Variants in NXPE2 observed in about 807,000 individuals in gnomAD.
NXPE2 encodes NXPE family member 2.
In NXPE2, 34 loss-of-function variants were observed where a neutral mutation model predicts 34.4. That is an observed-to-expected ratio of 0.99 (90% CI 0.75 to 1.31). The LOEUF (loss-of-function observed/expected upper bound fraction) is 1.31. NXPE2 is among the 40% of genes most tolerant of loss of function. NXPE2 has a pLI of 0.00. For missense variants in NXPE2, 649 were observed against 672.5 expected (o/e 0.97, Z 0.39); for synonymous variants, 235 against 231.3 (o/e 1.02, Z -0.15).
chr11:114,591,737 GC>G, the NXPE2 span, among the ~76,000 whole-genome samples: 2 of 151,904 alleles, frequency 1.3e-5, no homozygotes, highest in Non-Finnish European at 2.9e-5. Context: ...TAAATTCCAT[GC>G]CCCCTCATGG....
At chr11:114,483,921 A>T in the NXPE2 span, among the ~76,000 whole-genome samples, 1 of 152,128 alleles carries the variant, frequency 6.6e-6, no homozygotes, top group African/African-American at 2.4e-5. Context: ...CCCCTGGCTG[A>T]TGTGCAACTC....
upstream of NXPE2, chr11:114,678,283 G>A (rs377326010): frequency 1.8e-4 from 49 of 265,044 alleles, no homozygotes; most frequent in African/African-American, 1.8e-4. Context: ...CTATAAACAC[G>A]TAAAGCCTTA....
intron 3 of NXPE2, among the ~76,000 whole-genome samples, chr11:114,702,713 C>T (rs537985352): frequency 8.5e-5 from 13 of 152,224 alleles, no homozygotes; most frequent in Admixed American, 6.5e-4. Context: ...ACGGGATTCC[C>T]AGTCGATCTT....
the NXPE2 span, among the ~76,000 whole-genome samples, chr11:114,661,606 A>G: frequency 6.6e-5 from 10 of 152,232 alleles, no homozygotes; most frequent in African/African-American, 2.4e-5. Context: ...TCTGGATAGA[A>G]CAAGGACAAA....
the NXPE2 span, chr11:114,584,287 A>G: frequency 3.9e-6 from 2 of 510,768 alleles, no homozygotes; most frequent in South Asian, 1.5e-5. Context: ...CAAGCCCTAC[A>G]TCAGTCCTTC....
chr11:114,807,303 C>T, the NXPE2 span, among the ~76,000 whole-genome samples: 2 of 152,152 alleles, frequency 1.3e-5, no homozygotes, highest in Non-Finnish European at 2.9e-5. Context: ...AAATAACAAG[C>T]TAACATCATA....
chr11:114,709,915 GA>G (rs559518963), downstream of NXPE2, among the ~76,000 whole-genome samples: 1,673 of 132,568 alleles, frequency 0.013, 8 homozygotes, highest in Non-Finnish European at 0.019. Flanking sequence ...AAACAAAAAA[GA>G]AAAAAAAAAA....
the NXPE2 span, among the ~76,000 whole-genome samples, chr11:114,546,272 A>G: frequency 5.9e-5 from 9 of 152,218 alleles, no homozygotes; most frequent in African/African-American, 1.9e-4. Flanking sequence ...TAAATAGATG[A>G]CAGATGGTGG....
chr11:114,594,639 A>G, the NXPE2 span: 228 of 1,456,258 alleles, frequency 1.6e-4, 2 homozygotes, highest in South Asian at 7.0e-4. Flanking sequence ...GCTTCTGTAA[A>G]CCACATAAAT....
At chr11:114,488,412 G>C in the NXPE2 span, among the ~76,000 whole-genome samples, 1 of 151,824 alleles carries the variant, frequency 6.6e-6, no homozygotes, top group Non-Finnish European at 1.5e-5. Flanking sequence ...CTAAACGTTT[G>C]TCAATTTTGT....
the NXPE2 span, among the ~76,000 whole-genome samples, chr11:114,712,323 A>T: frequency 6.6e-6 from 1 of 152,236 alleles, no homozygotes; most frequent in African/African-American, 2.4e-5. Context: ...ACTTCTGCAT[A>T]GCCATAGAAA....
the NXPE2 span, among the ~76,000 whole-genome samples, chr11:114,754,053 G>A: frequency 2.6e-5 from 4 of 152,234 alleles, no homozygotes; most frequent in Admixed American, 6.5e-5. Context: ...CTCAGTTGTC[G>A]TATCTGTAGA....
chr11:114,674,114 C>T (rs1181781871), upstream of NXPE2, among the ~76,000 whole-genome samples: 1 of 106,916 alleles, frequency 9.4e-6, no homozygotes, highest in Non-Finnish European at 2.1e-5. Context: ...AACAAACAAA[C>T]AAACAAACAA....
the NXPE2 span, chr11:114,583,234 G>C: frequency 1.5e-6 from 1 of 688,610 alleles, no homozygotes; most frequent in Non-Finnish European, 2.5e-6. Context: ...GAGAGACAGA[G>C]GGACAGGAAG....
chr11:114,663,410 C>T, the NXPE2 span, among the ~76,000 whole-genome samples: 2 of 151,994 alleles, frequency 1.3e-5, no homozygotes, highest in Non-Finnish European at 2.9e-5. Context: ...TAACAAAAAA[C>T]GGGTGTGGGT....
intron 2 of NXPE2, among the ~76,000 whole-genome samples, chr11:114,684,491 A>G (rs1951008198): frequency 6.6e-6 from 1 of 152,184 alleles, no homozygotes; most frequent in South Asian, 2.1e-4. Flanking sequence ...AGCTGAAGTC[A>G]TTGTAGTCTG....
the NXPE2 span, among the ~76,000 whole-genome samples, chr11:114,627,946 G>A: frequency 7.9e-5 from 12 of 152,042 alleles, no homozygotes; most frequent in Admixed American, 7.9e-4. Flanking sequence ...ATGGTAAAGG[G>A]ATCAACTCAA....
chr11:114,638,569 C>T, the NXPE2 span, among the ~76,000 whole-genome samples: 1 of 151,882 alleles, frequency 6.6e-6, no homozygotes, highest in South Asian at 2.1e-4. Flanking sequence ...CGTTTTTCTG[C>T]TCTGTTTTTT....
the NXPE2 span, among the ~76,000 whole-genome samples, chr11:114,504,321 A>T: frequency 6.6e-6 from 1 of 152,054 alleles, no homozygotes; most frequent in Non-Finnish European, 1.5e-5. Context: ...ACCCTGAGTG[A>T]TCACTCCTGC....
Sources: gnomAD v4.1 joint callset for allele counts (sites outside exome capture counted in the v4.1 genomes callset) on GRCh38, gnomAD v4.1.1 for gene constraint, MANE v1.5 for transcripts, NCBI Gene and HGNC (gene_info 2026-07-23, HGNC 2026-07-21) for gene names.